WWOX: variants seen among roughly 807,000 people sequenced by gnomAD.
WWOX encodes the protein WW domain containing oxidoreductase.
A neutral mutation model predicts 46.2 loss-of-function variants in WWOX; 69 were observed. That is an observed-to-expected ratio of 1.49 (90% CI 1.23 to 1.82). The LOEUF (loss-of-function observed/expected upper bound fraction) is 1.82, where lower values mean the gene tolerates loss of function less well. Ranked by LOEUF, WWOX falls within the 40% of genes most tolerant of loss-of-function variation. The probability of loss-of-function intolerance (pLI) is 0.00; values close to 1 mark genes in which losing one functional copy is unlikely to be tolerated. For synonymous variants in WWOX, 359 were observed against 202.6 expected (o/e 1.77, Z -6.56); for missense variants, 919 against 542.6 (o/e 1.69, Z -6.89).
At chr16:79,092,824 G>A (rs1325389123) in intron 8 of WWOX, among the ~76,000 whole-genome samples, 1 of 152,100 alleles carries the variant, frequency 6.6e-6, no homozygotes, top group Non-Finnish European at 1.5e-5. Context: ...GCCATCCCGA[G>A]GCTGTCTCAC....
At chr16:78,602,712 T>G (rs1376775813) in intron 8 of WWOX, among the ~76,000 whole-genome samples, 2 of 152,202 alleles carry the variant, frequency 1.3e-5, no homozygotes, top group Non-Finnish European at 2.9e-5. Flanking sequence ...CAATAAATCA[T>G]TTTTCTTTAA....
chr16:78,803,807 C>T (rs1026423997), intron 8 of WWOX, among the ~76,000 whole-genome samples: 1 of 152,004 alleles, frequency 6.6e-6, no homozygotes, highest in African/African-American at 2.4e-5. Flanking sequence ...TTGGAAGTGG[C>T]ATGATGGAGG....
In WWOX at chr16:79,178,144, T is replaced by A. The variant is rs1211966911; in HGVS notation, c.1057-33464T>A. ...TGGAGATTCCTTTTCAACGCTTGAA[T>A]TTTTTGAGGATGCAAACCTTCAGAC... On this transcript the variant is annotated intron_variant, in intron 8 of 8. Coordinates refer to ENST00000566780, the MANE Select transcript of WWOX (RefSeq NM_016373.4). Among the ~76,000 whole-genome samples the A allele has an allele frequency of 2.0e-5, 3 of 152,178 alleles. No homozygotes were observed. In the East Asian group the frequency reaches 5.8e-4, roughly 29 times the overall value.
intron 5 of WWOX, among the ~76,000 whole-genome samples, chr16:78,261,168 A>G (rs1250214385): frequency 3.3e-5 from 5 of 150,848 alleles, no homozygotes; most frequent in African/African-American, 4.9e-5. Flanking sequence ...TAGAATGTTT[A>G]TATGGTGGCC....
At chr16:78,785,115 T>A (rs2050422983) in intron 8 of WWOX, among the ~76,000 whole-genome samples, 1 of 152,182 alleles carries the variant, frequency 6.6e-6, no homozygotes. Flanking sequence ...TCCATAAAAA[T>A]AATTCAATAC....
intron 6 of WWOX, among the ~76,000 whole-genome samples, chr16:78,421,687 C>A (rs530300188): frequency 6.6e-6 from 1 of 152,064 alleles, no homozygotes; most frequent in African/African-American, 2.4e-5. Context: ...GCCCCAGATG[C>A]AGGTAAAATG....
intron 8 of WWOX, among the ~76,000 whole-genome samples, chr16:78,626,082 T>C (rs1280877589): frequency 6.6e-6 from 1 of 151,990 alleles, no homozygotes; most frequent in Non-Finnish European, 1.5e-5. Context: ...ATTTTTTACC[T>C]AATGACTTTT....
intron 5 of WWOX, among the ~76,000 whole-genome samples, chr16:78,285,360 A>C (rs1480018424): frequency 6.6e-6 from 1 of 152,126 alleles, no homozygotes; most frequent in African/African-American, 2.4e-5. Context: ...CAGGAGGATC[A>C]CTTGAGCCCA....
chr16:78,914,618 A>G (rs942990261), intron 8 of WWOX, among the ~76,000 whole-genome samples: 6 of 151,914 alleles, frequency 3.9e-5, no homozygotes, highest in South Asian at 2.1e-4. Context: ...AGCGGCTCAC[A>G]CCTGTAATCC....
At chr16:79,074,409 CTTTTTTTTTTTT>C (rs60074156) in intron 8 of WWOX, among the ~76,000 whole-genome samples, 13 of 30,984 alleles carry the variant, frequency 4.2e-4, no homozygotes, top group East Asian at 4.1e-3. Flanking sequence ...GTCACTAGTC[CTTTTTTTTTTTT>C]TTTTTTTTTT....
intron 8 of WWOX, among the ~76,000 whole-genome samples, chr16:78,619,925 A>C (rs2046135991): frequency 6.6e-6 from 1 of 152,068 alleles, no homozygotes; most frequent in South Asian, 2.1e-4. Context: ...TAAATAAATA[A>C]AAATAAAAGT....
At chr16:79,025,058 T>A (rs1308334305) in intron 8 of WWOX, among the ~76,000 whole-genome samples, 2 of 151,852 alleles carry the variant, frequency 1.3e-5, no homozygotes, top group African/African-American at 4.8e-5. Context: ...TGCTGGAGAG[T>A]GAGAGTCCCT....
intron 6 of WWOX, among the ~76,000 whole-genome samples, chr16:78,423,105 T>C (rs2082990697): frequency 6.6e-6 from 1 of 152,058 alleles, no homozygotes; most frequent in Non-Finnish European, 1.5e-5. Flanking sequence ...CAGGCTGGTC[T>C]TGAACTTCTG....
intron 8 of WWOX, among the ~76,000 whole-genome samples, chr16:79,058,129 CAA>C (rs76588171): frequency 0.5 from 60,365 of 120,042 alleles, 13,364 homozygotes; most frequent in Admixed American, 0.54. Context: ...AACAAACAAA[CAA>C]AAAAAAAAAA....
intron 8 of WWOX, among the ~76,000 whole-genome samples, chr16:78,576,067 C>A (rs529618944): frequency 2.8e-4 from 43 of 151,984 alleles, no homozygotes; most frequent in Non-Finnish European, 3.2e-4. Context: ...TTTCTTGAAG[C>A]ACAATATAAT....
chr16:78,548,898 G>C (rs1217367348), intron 8 of WWOX, among the ~76,000 whole-genome samples: 1 of 152,052 alleles, frequency 6.6e-6, no homozygotes, highest in Non-Finnish European at 1.5e-5. Flanking sequence ...TGTGCACCTA[G>C]TTTTTGTAAA....
chr16:78,568,634 C>T (rs1047170887), intron 8 of WWOX, among the ~76,000 whole-genome samples: 2 of 151,964 alleles, frequency 1.3e-5, no homozygotes, highest in African/African-American at 2.4e-5. Flanking sequence ...CGCCGCCACA[C>T]CCAGCTGATT....
intron 5 of WWOX, among the ~76,000 whole-genome samples, chr16:78,246,547 C>A (rs935622031): frequency 1.3e-5 from 2 of 152,192 alleles, no homozygotes; most frequent in African/African-American, 4.8e-5. Flanking sequence ...CCATCAATCA[C>A]TGCTGTTCAT....
At chr16:78,783,150 C>G (rs1393315864) in intron 8 of WWOX, among the ~76,000 whole-genome samples, 1 of 152,200 alleles carries the variant, frequency 6.6e-6, no homozygotes, top group African/African-American at 2.4e-5. Context: ...AAGCACATCT[C>G]CATCATTTAT....
Sources: allele counts gnomAD v4.1 joint callset (sites outside exome capture counted in the v4.1 genomes callset), GRCh38; gene constraint gnomAD v4.1.1; transcripts MANE v1.5; gene names NCBI Gene and HGNC (gene_info 2026-07-23, HGNC 2026-07-21).